The following VPS35L variants were observed in gnomAD, a reference collection of about 807,000 sequenced individuals.
The protein encoded by VPS35L is VPS35 endosomal protein sorting factor like, also known as VPS35 endosomal protein-sorting factor-like.
VPS35L carries 83 observed loss-of-function variants against 133.0 expected under a neutral mutation model. The observed-to-expected ratio is 0.62, with a 90% CI of 0.52 to 0.75. VPS35L has a LOEUF of 0.75. Ranked by LOEUF, VPS35L falls within the 30% of genes least tolerant of loss-of-function variation. The pLI is 0.00. For synonymous variants in VPS35L, 423 were observed against 449.9 expected (o/e 0.94, Z 0.76); for missense variants, 1,083 against 1,206.8 (o/e 0.90, Z 1.52).
intron 7 of VPS35L, among the ~76,000 whole-genome samples, chr16:19,584,905 T>C (rs1209305532): frequency 1.3e-5 from 2 of 152,176 alleles, no homozygotes; most frequent in African/African-American, 4.8e-5. Context: ...TTTCATTTGA[T>C]GATTCCCCTG....
At chr16:19,606,895 C>T (rs2046612237) in intron 9 of VPS35L, among the ~76,000 whole-genome samples, 1 of 152,182 alleles carries the variant, frequency 6.6e-6, no homozygotes, top group African/African-American at 2.4e-5. Context: ...ATTGATCCTG[C>T]CACCTCAGCC....
chr16:19,629,963 G>T, intron 18 of VPS35L, 143 bp downstream of exon 18: 1 of 698,188 alleles, frequency 1.4e-6, no homozygotes, highest in South Asian at 1.8e-5. Flanking sequence ...TCATAATAAA[G>T]CGTGATGGAG....
chr16:19,570,879 A>ATTT (rs1567388832), intron 3 of VPS35L, among the ~76,000 whole-genome samples: 3 of 57,614 alleles, frequency 5.2e-5, no homozygotes, highest in African/African-American at 2.7e-4. Context: ...ATATATATAT[A>ATTT]TATATATATA....
chr16:19,627,999 C>T (rs1973323391), intron 16 of VPS35L, among the ~76,000 whole-genome samples, 194 bp downstream of exon 16: 1 of 152,110 alleles, frequency 6.6e-6, no homozygotes, highest in Non-Finnish European at 1.5e-5. Flanking sequence ...ATGCTTCAGG[C>T]CCCCATGAGC....
At chr16:19,624,769 T>C (rs1415955665) in intron 14 of VPS35L, among the ~76,000 whole-genome samples, 1 of 152,122 alleles carries the variant, frequency 6.6e-6, no homozygotes, top group Non-Finnish European at 1.5e-5. Context: ...TTTTTGCCAC[T>C]TATTAGGAAG....
chr16:19,667,499 C>T (rs72769506), intron 26 of VPS35L, among the ~76,000 whole-genome samples: 52,339 of 151,842 alleles, frequency 0.34, 9,266 homozygotes, highest in African/African-American at 0.37. Context: ...TTTAGGAGGC[C>T]GAGTCAGGCA....
At chr16:19,596,790 G>A (rs970748535) in intron 8 of VPS35L, among the ~76,000 whole-genome samples, 1 of 151,592 alleles carries the variant, frequency 6.6e-6, no homozygotes, top group Non-Finnish European at 1.5e-5. Context: ...AGGCCAAGGC[G>A]GGCAGATCAC....
chr16:19,590,987 A>T (rs1972025461), intron 7 of VPS35L, among the ~76,000 whole-genome samples: 1 of 152,174 alleles, frequency 6.6e-6, no homozygotes, highest in Non-Finnish European at 1.5e-5. Flanking sequence ...AAAAAAATTA[A>T]ATAGTCCTGA....
At position 19,679,468 on chromosome 16, in the gene VPS35L, A is replaced by ATTAT. The variant is rs139152185; in HGVS notation, c.2362-2710_2362-2707dup. On this transcript the variant is annotated intron_variant, in intron 27 of 30. Transcript: ENST00000417362. ...TGTTATGTTGCCCAGGTTAAGAACA[A>ATTAT]TTATTTATTTATTTATTTATTTATT... Among the ~76,000 whole-genome samples the ATTAT allele has an allele frequency of 2.2e-3, 268 of 123,154 alleles. 1 individual carries two copies. The highest frequency in any genetic ancestry group is 3.8e-3 in the Middle Eastern group (1 of 266). The allele number at this position is 123,154 out of a possible 152,430, so 80.8% of individuals were successfully genotyped here. A position where few individuals can be genotyped will look rare whatever the true frequency, so the allele number is the denominator to read the frequency against.
At chr16:19,569,019 A>G (rs1394879550) in intron 2 of VPS35L, among the ~76,000 whole-genome samples, 1 of 152,074 alleles carries the variant, frequency 6.6e-6, no homozygotes, top group African/African-American at 2.4e-5. Context: ...GAAATTCCCT[A>G]CTTAGATGTT....
intron 27 of VPS35L, among the ~76,000 whole-genome samples, chr16:19,675,402 T>C (rs150516022): frequency 1.3e-5 from 2 of 152,276 alleles, no homozygotes; most frequent in African/African-American, 2.4e-5. Context: ...TTTCCACATC[T>C]GAGCTCTTGT....
At chr16:19,588,689 G>C (rs1368956860) in intron 7 of VPS35L, among the ~76,000 whole-genome samples, 1 of 152,108 alleles carries the variant, frequency 6.6e-6, no homozygotes, top group Non-Finnish European at 1.5e-5. Context: ...TTTGCCATCT[G>C]TTGATGAGCA....
chr16:19,572,718 T>C (rs1431320775), intron 3 of VPS35L, among the ~76,000 whole-genome samples: 4 of 152,166 alleles, frequency 2.6e-5, no homozygotes, highest in Admixed American at 2.6e-4. Flanking sequence ...AGTCTTGCTC[T>C]GTCACTCAGA....
At position 19,693,290 on chromosome 16, in the gene VPS35L, G is replaced by A. The variant is rs565633620; in HGVS notation, c.2646+1819G>A. 2.0e-5 allele frequency among the ~76,000 whole-genome samples: 3 copies of A among 152,216 alleles called. No individual in the cohort carries two copies. The East Asian group carries it at 5.8e-4, about 29-fold the overall frequency. On this transcript the variant is annotated intron_variant, in intron 29 of 30. Transcript: ENST00000417362. Reference sequence around the variant, plus strand: ...GGGTATGTGGATGTGTGTGTTGCGGGGGGGCAGGGGAGGGCAATGAAGAGA... The same window carrying A: ...GGGTATGTGGATGTGTGTGTTGCGGAGGGGCAGGGGAGGGCAATGAAGAGA...
chr16:19,619,137 A>G (rs1226161664), intron 14 of VPS35L, among the ~76,000 whole-genome samples: 1 of 151,236 alleles, frequency 6.6e-6, no homozygotes, highest in African/African-American at 2.4e-5. Context: ...CACCTTGTTG[A>G]TCTCGTGCTG....
At chr16:19,602,066 A>G (rs1368025513) in intron 9 of VPS35L, among the ~76,000 whole-genome samples, 2 of 152,154 alleles carry the variant, frequency 1.3e-5, no homozygotes, top group African/African-American at 4.8e-5. Context: ...TGGAAAAAAA[A>G]ATCAAAAACG....
At chr16:19,624,050 C>A (rs987651152) in intron 14 of VPS35L, among the ~76,000 whole-genome samples, 33 of 150,050 alleles carry the variant, frequency 2.2e-4, no homozygotes, top group African/African-American at 7.8e-4. Context: ...GCCATCTGTC[C>A]CCATCAGCCT....
intron 26 of VPS35L, among the ~76,000 whole-genome samples, chr16:19,658,762 A>G (rs1974388252): frequency 1.3e-5 from 2 of 152,074 alleles, no homozygotes; most frequent in African/African-American, 4.8e-5. Context: ...AGTAAGGTGT[A>G]TGGCATTCTA....
rs148707455 is a variant in VPS35L, at chr16:19,625,956, G to A, written c.1225-221G>A. On this transcript the variant is annotated intron_variant, in intron 14 of 30. Coordinates refer to ENST00000417362, the MANE Select transcript of VPS35L (RefSeq NM_020314.7). ...ACCAAAATGCTAGAATTATAGGTGCGAGCCACTGTACCCGGCCCCCTCCTT... is the reference window on the plus strand; with the variant it reads ...ACCAAAATGCTAGAATTATAGGTGCAAGCCACTGTACCCGGCCCCCTCCTT... Among the ~76,000 whole-genome samples the A allele has an allele frequency of 1.6e-4, 25 of 152,124 alleles. No individual in the cohort carries two copies. The East Asian group carries it at 4.3e-3, about 26-fold the overall frequency.
Sources: allele counts gnomAD v4.1 joint callset (sites outside exome capture counted in the v4.1 genomes callset), GRCh38; gene constraint gnomAD v4.1.1; transcripts MANE v1.5; gene names NCBI Gene and HGNC (gene_info 2026-07-23, HGNC 2026-07-21).